The following CIROZ variants were observed in gnomAD, a reference collection of about 807,000 sequenced individuals.
CIROZ encodes the protein ciliated left-right organizer protein containing ZP-N domains.
chr1:10,980,827 AT>A, the CIROZ span, among the ~76,000 whole-genome samples: 1 of 152,148 alleles, frequency 6.6e-6, no homozygotes, highest in Non-Finnish European at 1.5e-5. Context: ...GGGAGACATG[AT>A]GCTCCATCCC....
At chr1:10,948,237 G>A in the CIROZ span, 1 of 1,613,922 alleles carries the variant, frequency 6.2e-7, no homozygotes, top group Admixed American at 1.7e-5. Flanking sequence ...CCCCTCCCTG[G>A]GGAGACCAGG....
the CIROZ span, among the ~76,000 whole-genome samples, chr1:10,975,833 A>G: frequency 6.6e-6 from 1 of 152,082 alleles, no homozygotes; most frequent in Non-Finnish European, 1.5e-5. Flanking sequence ...TGTTAGAATG[A>G]GTTAATAGAC....
chr1:10,947,848 G>C, the CIROZ span: 2 of 1,605,864 alleles, frequency 1.2e-6, no homozygotes, highest in Non-Finnish European at 1.7e-6. Context: ...GGAGCCCACA[G>C]GCTCAGGGTT....
At chr1:10,959,071 G>C in the CIROZ span, among the ~76,000 whole-genome samples, 722 of 152,300 alleles carry the variant, frequency 4.7e-3, 3 homozygotes, top group African/African-American at 0.016. The surrounding 1 kb of genome is among the most constrained non-coding windows in gnomAD (Gnocchi z 4.3). Flanking sequence ...CACTTCCATT[G>C]GGGCTGTTTC....
At chr1:10,947,343 G>A in the CIROZ span, among the ~76,000 whole-genome samples, 2 of 152,204 alleles carry the variant, frequency 1.3e-5, no homozygotes, top group African/African-American at 2.4e-5. Flanking sequence ...TGCACTCAGC[G>A]CCTCTTCCCT....
At chr1:10,958,778 T>C in the CIROZ span, 1 of 1,613,414 alleles carries the variant, frequency 6.2e-7, no homozygotes, top group Non-Finnish European at 8.5e-7. Flanking sequence ...GGAAGCAATG[T>C]CTCCTGCAAG....
the CIROZ span, among the ~76,000 whole-genome samples, chr1:10,952,713 T>C: frequency 6.6e-6 from 1 of 152,212 alleles, no homozygotes; most frequent in Non-Finnish European, 1.5e-5. Context: ...GGTTTCGCCA[T>C]GTTGGCCAGG....
chr1:10,955,012 G>T, the CIROZ span: 1 of 1,605,444 alleles, frequency 6.2e-7, no homozygotes, highest in South Asian at 1.1e-5. Context: ...CACCCCGGCC[G>T]CCGGAATGCT....
chr1:10,948,326 C>A, the CIROZ span: 7 of 1,613,746 alleles, frequency 4.3e-6, no homozygotes, highest in East Asian at 8.9e-5. Context: ...GAGAAACCAG[C>A]TCCTCTGCAG....
At chr1:10,965,761 T>G in the CIROZ span, among the ~76,000 whole-genome samples, 1 of 149,824 alleles carries the variant, frequency 6.7e-6, no homozygotes, top group East Asian at 2.0e-4. Flanking sequence ...AGGCGGAAGT[T>G]GCAGTGAGCC....
At chr1:10,948,249 CCT>C in the CIROZ span, 4 of 1,613,948 alleles carry the variant, frequency 2.5e-6, no homozygotes, top group Non-Finnish European at 3.4e-6. Context: ...GAGACCAGGC[CCT>C]GTCTGGCGTG....
At chr1:10,974,722 C>T in the CIROZ span, among the ~76,000 whole-genome samples, 2 of 152,280 alleles carry the variant, frequency 1.3e-5, no homozygotes, top group African/African-American at 4.8e-5. The surrounding 1 kb of genome is among the most constrained non-coding windows in gnomAD (Gnocchi z 4.4). Context: ...CCAGAGATCC[C>T]GTAACAGAAG....
At chr1:10,955,232 G>A in the CIROZ span, 1 of 1,534,556 alleles carries the variant, frequency 6.5e-7, no homozygotes, top group Non-Finnish European at 8.8e-7. Flanking sequence ...ACACTTTGCA[G>A]GCTCGTGGAC....
the CIROZ span, among the ~76,000 whole-genome samples, chr1:10,969,349 A>G: frequency 2.0e-5 from 3 of 152,008 alleles, no homozygotes; most frequent in Non-Finnish European, 2.9e-5. Context: ...AAGACATCCA[A>G]TGCTTTCCTA....
the CIROZ span, chr1:10,949,246 C>G: frequency 8.2e-6 from 2 of 243,816 alleles, no homozygotes; most frequent in South Asian, 9.1e-5. Context: ...AAAAGAAGAG[C>G]TGGAGGAAAC....
the CIROZ span, among the ~76,000 whole-genome samples, chr1:10,951,745 A>AAAAAAAAAAAATAT: frequency 1.5e-4 from 18 of 119,176 alleles, no homozygotes; most frequent in African/African-American, 5.4e-4. Flanking sequence ...AAAAAAAAAA[A>AAAAAAAAAAAATAT]ATATATATAT....
At chr1:10,958,037 C>T in the CIROZ span, among the ~76,000 whole-genome samples, 1 of 152,352 alleles carries the variant, frequency 6.6e-6, no homozygotes, top group Non-Finnish European at 1.5e-5. Context: ...AACAGCAATG[C>T]CAACCAGTCG....
chr1:10,975,730 T>C, the CIROZ span, among the ~76,000 whole-genome samples: 1 of 152,134 alleles, frequency 6.6e-6, no homozygotes, highest in Non-Finnish European at 1.5e-5. Flanking sequence ...GCAGGGGCTC[T>C]GGAGGGTGAA....
chr1:10,977,679 C>T, the CIROZ span, among the ~76,000 whole-genome samples: 30,229 of 151,952 alleles, frequency 0.2, 3,212 homozygotes, highest in Non-Finnish European at 0.22. Context: ...GAACCTCCCC[C>T]ATGAAATTTA....
Sources: gnomAD v4.1 joint callset for allele counts (sites outside exome capture counted in the v4.1 genomes callset) on GRCh38, gnomAD v4.1.1 for gene constraint, Gnocchi (gnomAD v3.1) non-coding constraint, MANE v1.5 for transcripts, NCBI Gene and HGNC (gene_info 2026-07-23, HGNC 2026-07-21) for gene names.